The following FOXJ3 variants were observed in gnomAD, a reference collection of about 807,000 sequenced individuals.
The protein encoded by FOXJ3 is forkhead box J3, also known as forkhead box protein J3.
A neutral mutation model predicts 76.1 loss-of-function variants in FOXJ3; 22 were observed. The observed-to-expected ratio is 0.29, with a 90% CI of 0.21 to 0.41. The LOEUF (loss-of-function observed/expected upper bound fraction) is 0.41. Among genes scored for constraint, FOXJ3 ranks in the 10% least tolerant of loss-of-function variants. FOXJ3 has a pLI of 1.00. For missense variants in FOXJ3, 613 were observed against 762.1 expected (o/e 0.80, Z 2.30); for synonymous variants, 269 against 261.2 (o/e 1.03, Z -0.29).
At chr1:42,285,711 C>T (rs12038883) in intron 2 of FOXJ3, among the ~76,000 whole-genome samples, 1 of 116,904 alleles carries the variant, frequency 8.6e-6, no homozygotes, top group Non-Finnish European at 2.1e-5. Flanking sequence ...AAAATCTTCC[C>T]AAAGAGCAGA....
rs968738235 is a variant in FOXJ3 at position 42,261,792 on chromosome 1, G to A, written c.444+3323C>T. ...CAAAATCTACTCCCACCCCAACTTC[G>A]CTCAATGGTTTTCTCCCACTGTGGT... is the stretch of plus-strand genomic sequence containing the variant. On this transcript the variant is annotated intron_variant, in intron 4 of 12. Transcript: ENST00000361346. Among the ~76,000 whole-genome samples the A allele has an allele frequency of 6.6e-5, 10 of 152,170 alleles. No homozygotes were observed. The East Asian group carries it at 1.2e-3, about 18-fold the overall frequency.
At chr1:42,267,642 C>T (rs542202574) in intron 3 of FOXJ3, among the ~76,000 whole-genome samples, 51 of 151,612 alleles carry the variant, frequency 3.4e-4, no homozygotes, top group Non-Finnish European at 3.1e-4. Flanking sequence ...CAAGAGAAGA[C>T]TCAGGTGTTA....
At chr1:42,276,537 T>A (rs748318257) in intron 3 of FOXJ3, among the ~76,000 whole-genome samples, 1 of 152,148 alleles carries the variant, frequency 6.6e-6, no homozygotes, top group Non-Finnish European at 1.5e-5. Flanking sequence ...AACAAAAGTA[T>A]AGCACGTCTT....
At chr1:42,220,391 A>G (rs1296793486) in intron 5 of FOXJ3, among the ~76,000 whole-genome samples, 1 of 152,222 alleles carries the variant, frequency 6.6e-6, no homozygotes, top group Non-Finnish European at 1.5e-5. Context: ...AGGAGGCTGC[A>G]AAGGGAAAAA....
chr1:42,281,835 G>A (rs1472173303), intron 2 of FOXJ3, among the ~76,000 whole-genome samples: 1 of 152,184 alleles, frequency 6.6e-6, no homozygotes, highest in Admixed American at 6.5e-5. Flanking sequence ...GAGGCAGGCG[G>A]ATCACCTGAG....
intron 2 of FOXJ3, among the ~76,000 whole-genome samples, chr1:42,285,342 T>TA (rs1287987230): frequency 6.6e-6 from 1 of 151,964 alleles, no homozygotes; most frequent in Non-Finnish European, 1.5e-5. Flanking sequence ...ACCAGACTGT[T>TA]AAAGATATTC....
intron 1 of FOXJ3, chr1:42,323,910 A>C (rs1438651590): frequency 6.6e-6 from 1 of 152,402 alleles, no homozygotes; most frequent in East Asian, 2.0e-4. Flanking sequence ...GCTATGAGTG[A>C]CCAAAGGTGT....
intron 1 of FOXJ3, among the ~76,000 whole-genome samples, chr1:42,332,518 A>T (rs1489468564): frequency 6.6e-6 from 1 of 152,122 alleles, no homozygotes; most frequent in African/African-American, 2.4e-5. Flanking sequence ...TCATCAGCTT[A>T]TTCCTAAAAT....
intron 4 of FOXJ3, among the ~76,000 whole-genome samples, chr1:42,261,657 G>A (rs1412767804): frequency 6.6e-6 from 1 of 152,322 alleles, no homozygotes; most frequent in Non-Finnish European, 1.5e-5. Context: ...AAGCTGTATC[G>A]TGAAAATACA....
intron 2 of FOXJ3, among the ~76,000 whole-genome samples, chr1:42,300,420 G>C (rs917196090): frequency 6.6e-6 from 1 of 152,032 alleles, no homozygotes; most frequent in African/African-American, 2.4e-5. Context: ...ACACTTGTTT[G>C]TCTGGGAAAG....
chr1:42,176,699 T>C lies in FOXJ3; in HGVS notation c.*3011A>G, dbSNP rs1646221191. ...ATCATAGAGGCAAAATATGAAATCGTGCAATAGCAAAACTGTAGAAACATT... is the reference window on the plus strand; with the variant it reads ...ATCATAGAGGCAAAATATGAAATCGCGCAATAGCAAAACTGTAGAAACATT... On this transcript the variant is annotated 3_prime_UTR_variant, in exon 13 of 13. Coordinates refer to ENST00000361346, the MANE Select transcript of FOXJ3 (RefSeq NM_014947.5). The C allele has an allele frequency of 6.6e-6, 1 of 152,596 alleles. No individual in the cohort carries two copies. Among genetic ancestry groups the C allele is most frequent in the Non-Finnish European group, 1.5e-5 (1 of 68,042 alleles). The allele number at this position is 152,596 out of a possible 1,614,324, so 9.5% of individuals were successfully genotyped here.
chr1:42,305,739 G>A (rs1328339721), intron 2 of FOXJ3, among the ~76,000 whole-genome samples: 7 of 152,190 alleles, frequency 4.6e-5, no homozygotes, highest in Admixed American at 3.9e-4. Context: ...ATCAGGGAGA[G>A]TGAGAATGGT....
At chr1:42,257,200 G>T (rs1304996956) in intron 4 of FOXJ3, among the ~76,000 whole-genome samples, 1 of 152,122 alleles carries the variant, frequency 6.6e-6, no homozygotes, top group Non-Finnish European at 1.5e-5. Context: ...GACTGCAGTG[G>T]CTTACCCTGT....
chr1:42,229,527 T>C (rs343377), intron 4 of FOXJ3, among the ~76,000 whole-genome samples: 111,419 of 152,048 alleles, frequency 0.73, 41,018 homozygotes, highest in Admixed American at 0.81. Flanking sequence ...CGTCTCAGAT[T>C]CTGGTCTATG....
chr1:42,328,363 G>C (rs1291493145), intron 1 of FOXJ3, among the ~76,000 whole-genome samples: 1 of 152,190 alleles, frequency 6.6e-6, no homozygotes, highest in Non-Finnish European at 1.5e-5. Context: ...ATTCAGAACA[G>C]AGTTCTCTAA....
At chr1:42,324,102 G>GTATATACACAGTGTATAC (rs1557725886) in intron 1 of FOXJ3, among the ~76,000 whole-genome samples, 2 of 48,436 alleles carry the variant, frequency 4.1e-5, no homozygotes, top group South Asian at 1.1e-3. Context: ...TATATATACT[G>GTATATACACAGTGTATAC]TGTATATACA....
intron 2 of FOXJ3, among the ~76,000 whole-genome samples, chr1:42,294,279 CA>C (rs1653631908): frequency 6.6e-6 from 1 of 152,192 alleles, no homozygotes; most frequent in African/African-American, 2.4e-5. Flanking sequence ...TGCCCTTTCT[CA>C]GAGGTGTCTC....
At chr1:42,263,704 A>G (rs1217974496) in intron 4 of FOXJ3, among the ~76,000 whole-genome samples, 6 of 152,154 alleles carry the variant, frequency 3.9e-5, no homozygotes, top group Non-Finnish European at 7.4e-5. Context: ...ATAGAAACGA[A>G]TAACTCTTCA....
chr1:42,180,788 A>T (rs1646302683), intron 12 of FOXJ3, among the ~76,000 whole-genome samples: 1 of 152,192 alleles, frequency 6.6e-6, no homozygotes, highest in Admixed American at 6.5e-5. Flanking sequence ...CAATCCTAAC[A>T]ACTCGAGGAC....
Sources: allele counts gnomAD v4.1 joint callset (sites outside exome capture counted in the v4.1 genomes callset), GRCh38; gene constraint gnomAD v4.1.1; transcripts MANE v1.5; gene names NCBI Gene and HGNC (gene_info 2026-07-23, HGNC 2026-07-21).